KCNMB1: variants seen among roughly 807,000 people sequenced by gnomAD.
KCNMB1 encodes the protein potassium calcium-activated channel subfamily M regulatory beta subunit 1, also known as calcium-activated potassium channel subunit beta-1.
A neutral mutation model predicts 21.7 loss-of-function variants in KCNMB1; 22 were observed. That is an observed-to-expected ratio of 1.01 (90% CI 0.72 to 1.45). The LOEUF (loss-of-function observed/expected upper bound fraction) is 1.45, where lower values mean the gene tolerates loss of function less well. Among genes scored for constraint, KCNMB1 ranks in the 40% most tolerant of loss-of-function variants. KCNMB1 has a pLI of 0.00. For missense variants in KCNMB1, 243 were observed against 243.4 expected (o/e 1.00, Z 0.01); for synonymous variants, 114 against 107.6 (o/e 1.06, Z -0.37).
At chr5:170,382,201 C>T (rs1012351728) in intron 3 of KCNMB1, among the ~76,000 whole-genome samples, 2 of 152,206 alleles carry the variant, frequency 1.3e-5, no homozygotes, top group African/African-American at 4.8e-5. Flanking sequence ...AACTCTGAAA[C>T]TCTGATCATG....
chr5:170,383,634 C>A (rs756125474), intron 3 of KCNMB1, 45 bp downstream of exon 3: 3 of 1,606,424 alleles, frequency 1.9e-6, no homozygotes, highest in Non-Finnish European at 2.6e-6. Context: ...GCTCACACAC[C>A]TGACAGGGAT....
At position 170,375,231 on chromosome 5, in the gene KCNMB1, A is replaced by C. The variant is rs771204408; in HGVS notation, c.*3473T>G. 1.3e-5 allele frequency: 2 copies of C among 152,206 alleles called. No homozygotes were observed. Among genetic ancestry groups the C allele is most frequent in the Non-Finnish European group, 2.9e-5 (2 of 68,040 alleles). 9.4% of individuals were successfully genotyped at this position (152,206 alleles called of 1,614,324 possible). A position where few individuals can be genotyped will look rare whatever the true frequency, so the allele number is the denominator to read the frequency against. On this transcript the variant is annotated 3_prime_UTR_variant, in exon 4 of 4. Coordinates refer to ENST00000274629, the MANE Select transcript of KCNMB1 (RefSeq NM_004137.4). Reference sequence around the variant, plus strand: ...ATGGTAATATTTAATATTTTGCAAAACTATAGTACAATATTACAATTAAGA... The same window carrying C: ...ATGGTAATATTTAATATTTTGCAAACCTATAGTACAATATTACAATTAAGA...
chr5:170,379,104 A>T (rs998230606), intron 3 of KCNMB1, 131 bp from the exon 4 acceptor site: 1 of 1,116,726 alleles, frequency 9.0e-7, no homozygotes, highest in Non-Finnish European at 1.3e-6. Flanking sequence ...TTTGGTCTAA[A>T]GCTTGGCAGG....
intron 1 of KCNMB1, among the ~76,000 whole-genome samples, chr5:170,385,680 C>A (rs7717499): frequency 1.4e-5 from 2 of 142,698 alleles, no homozygotes; most frequent in African/African-American, 5.4e-5. Context: ...AAAAGACCTA[C>A]GGCTCAGAGA....
At chr5:170,381,205 A>C (rs188769) in intron 3 of KCNMB1, among the ~76,000 whole-genome samples, 79,212 of 151,926 alleles carry the variant, frequency 0.52, 21,056 homozygotes, top group African/African-American at 0.62. Flanking sequence ...TCATGGCCAA[A>C]CCCAGAAGCC....
chr5:170,388,173 C>A (rs1351743214), intron 1 of KCNMB1, among the ~76,000 whole-genome samples: 2 of 152,250 alleles, frequency 1.3e-5, no homozygotes, highest in East Asian at 3.8e-4. Flanking sequence ...TTCCCTGTCA[C>A]AGAGAAGTCT....
At chr5:170,384,734 A>G (rs532176497) in intron 2 of KCNMB1, among the ~76,000 whole-genome samples, 1 of 152,334 alleles carries the variant, frequency 6.6e-6, no homozygotes, top group Non-Finnish European at 1.5e-5. Flanking sequence ...GCTTTTCCTT[A>G]AAATCTCAAG....
At chr5:170,381,891 G>C (rs3804245) in intron 3 of KCNMB1, among the ~76,000 whole-genome samples, 10,584 of 152,280 alleles carry the variant, frequency 0.07, 442 homozygotes, top group Middle Eastern at 0.15. Context: ...GCTGCCTCCA[G>C]TGGGCCCTGA....
At position 170,378,913 on chromosome 5, in the gene KCNMB1, CCTT is replaced by C. The variant is rs1561593226; in HGVS notation, c.364_366del (p.Lys122del). The C allele has an allele frequency of 5.0e-6, 8 of 1,614,218 alleles. No individual in the cohort carries two copies. Among genetic ancestry groups the C allele is most frequent in the Non-Finnish European group, 6.8e-6 (8 of 1,180,030 alleles). Reference sequence around the variant, plus strand: ...TGCTGCTCTTGGAATTTGGCTCTGACCTTCTCCACGTCGGCCCGGGCCGTCTGG... The same window carrying C: ...TGCTGCTCTTGGAATTTGGCTCTGACCTCCACGTCGGCCCGGGCCGTCTGG... On this transcript the variant is annotated inframe_deletion, in exon 4 of 4. Coordinates refer to ENST00000274629, the MANE Select transcript of KCNMB1 (RefSeq NM_004137.4).
At chr5:170,380,378 T>C (rs577986285) in intron 3 of KCNMB1, among the ~76,000 whole-genome samples, 3 of 152,310 alleles carry the variant, frequency 2.0e-5, no homozygotes, top group Admixed American at 2.0e-4. Flanking sequence ...TTTGCCCTAG[T>C]GAAATCATGT....
rs1269803231 is a variant in KCNMB1 at position 170,376,216 on chromosome 5, C to T, written c.*2488G>A. The T allele has an allele frequency of 7.2e-6, 1 of 138,160 alleles. No homozygotes were observed. The highest frequency in any genetic ancestry group is 1.5e-5 in the Non-Finnish European group (1 of 66,090). 8.6% of individuals were successfully genotyped at this position (138,160 alleles called of 1,614,324 possible). A position where few individuals can be genotyped will look rare whatever the true frequency, so the allele number is the denominator to read the frequency against. ...TGCTCTGTTACCCAGGCTGGAGTGCCGTGGCGCGATCTCGGCTCACTGCAA... is the reference window on the plus strand; with the variant it reads ...TGCTCTGTTACCCAGGCTGGAGTGCTGTGGCGCGATCTCGGCTCACTGCAA... On this transcript the variant is annotated 3_prime_UTR_variant, in exon 4 of 4. Coordinates refer to ENST00000274629, the MANE Select transcript of KCNMB1 (RefSeq NM_004137.4).
chr5:170,386,354 C>T (rs949692117), intron 1 of KCNMB1, among the ~76,000 whole-genome samples: 1 of 152,192 alleles, frequency 6.6e-6, no homozygotes, highest in Non-Finnish European at 1.5e-5. Flanking sequence ...GGAACAATGG[C>T]TCATCCCCCA....
Position 170,378,956 on chromosome 5 carries a change from G to A in KCNMB1, c.324C>T (p.Gly108=). The change falls in exon 4 of 4, where the codon GGC becomes GGT. Residue 108 remains glycine, a synonymous_variant. Coordinates refer to ENST00000274629, the MANE Select transcript of KCNMB1 (RefSeq NM_004137.4). ...DQNQQCSYIP[G]SVDNYQTARA... is the part of the protein sequence containing the mutation. ...GGGCCGTCTGGTAATTGTCCACGCT[G>A]CCTGGGATGTAGGAGCACTGTGGGG... The A allele has an allele frequency of 6.2e-7, 1 of 1,614,080 alleles. No homozygotes were observed. The highest frequency in any genetic ancestry group is 1.3e-5 in the African/African-American group (1 of 75,064).
rs1764346397 is a variant in KCNMB1, at chr5:170,383,700, G to T, written c.285C>A (p.Asp95Glu). ...GRWAVLYHTE[D>E]TRDQNQQCSY... ...GTACCTGCTGGTTCTGGTCCCGAGT[G>T]TCCTCCGTGTGGTACAGCACAGCCC... The change falls in exon 3 of 4, where the codon GAC (aspartate) becomes GAA (glutamate). Residue 95 changes from aspartate (D) to glutamate (E), a missense_variant. Asp to Glu is a conservative substitution (Grantham distance 45, BLOSUM62 2). Coordinates refer to ENST00000274629, the MANE Select transcript of KCNMB1 (RefSeq NM_004137.4). 1 of 1,614,154 alleles carries T rather than the reference G, an allele frequency of 6.2e-7. No individual in the cohort carries two copies. The highest frequency in any genetic ancestry group is 8.5e-7 in the Non-Finnish European group (1 of 1,180,022).
At position 170,378,383 on chromosome 5, in the gene KCNMB1, G is replaced by A. The variant is rs1370422686; in HGVS notation, c.*321C>T. 1.5e-5 allele frequency: 4 copies of A among 260,912 alleles called. No individual in the cohort carries two copies. Among genetic ancestry groups the A allele is most frequent in the East Asian group, 1.5e-4 (2 of 13,630 alleles). The allele number at this position is 260,912 out of a possible 1,614,324, so 16.2% of individuals were successfully genotyped here. On this transcript the variant is annotated 3_prime_UTR_variant, in exon 4 of 4. Coordinates refer to ENST00000274629, the MANE Select transcript of KCNMB1 (RefSeq NM_004137.4). ...GGGAGAACTCAGGCACAGAGGTGAC[G>A]ATCATCGTTCTCTGTGGGGCACATA...
In KCNMB1 at chr5:170,383,686, T is replaced by C. The variant is rs773722064; in HGVS notation, c.299A>G (p.Asn100Ser). 1.7e-5 allele frequency: 28 copies of C among 1,614,000 alleles called. No homozygotes were observed. Among genetic ancestry groups the C allele is most frequent in the Non-Finnish European group, 1.5e-5 (18 of 1,180,018 alleles). ...LYHTEDTRDQNQQCSYIPGSV... is the reference protein window; with the variant it reads ...LYHTEDTRDQSQQCSYIPGSV... The stretch of plus-strand genomic sequence containing the variant: ...ATCCCTCCAGTTCAGTACCTGCTGG[T>C]TCTGGTCCCGAGTGTCCTCCGTGTG... The change falls in exon 3 of 4, where the codon AAC becomes AGC. Residue 100 changes from asparagine (N) to serine (S), a missense_variant. Coordinates refer to ENST00000274629, the MANE Select transcript of KCNMB1 (RefSeq NM_004137.4).
rs1020934192 is a variant in KCNMB1, at chr5:170,375,336, C to T, written c.*3368G>A. 1.3e-5 allele frequency: 2 copies of T among 152,226 alleles called. No individual in the cohort carries two copies. Among genetic ancestry groups the T allele is most frequent in the African/African-American group, 4.8e-5 (2 of 41,462 alleles). 9.4% of individuals were successfully genotyped at this position (152,226 alleles called of 1,614,324 possible). On this transcript the variant is annotated 3_prime_UTR_variant, in exon 4 of 4. Transcript: ENST00000274629. ...AAAAATTCCAGGGAATGATGAGCTG[C>T]CTGCCTTTGGAAGGAAGGTCCACCA...
intron 1 of KCNMB1, among the ~76,000 whole-genome samples, chr5:170,388,897 A>G (rs932555472): frequency 1.1e-4 from 16 of 152,234 alleles, no homozygotes; most frequent in Non-Finnish European, 1.5e-5. Context: ...CTAACGAAGG[A>G]AACCCTGAAA....
rs1763956087 is a variant in KCNMB1, at chr5:170,375,193, C to T, written c.*3511G>A. On this transcript the variant is annotated 3_prime_UTR_variant, in exon 4 of 4. Coordinates refer to ENST00000274629, the MANE Select transcript of KCNMB1 (RefSeq NM_004137.4). ...ACAGAGACATTCCGTGCCCCCTCTA[C>T]CTAATGTCCCCAATGGTAATATTTA... 2 of 152,218 alleles carry T rather than the reference C, an allele frequency of 1.3e-5. No individual in the cohort carries two copies. The highest frequency in any genetic ancestry group is 2.1e-4 in the South Asian group (1 of 4,834). 9.4% of individuals were successfully genotyped at this position (152,218 alleles called of 1,614,324 possible). A position where few individuals can be genotyped will look rare whatever the true frequency, so the allele number is the denominator to read the frequency against.
Sources: gnomAD v4.1 joint callset for allele counts (sites outside exome capture counted in the v4.1 genomes callset) on GRCh38, gnomAD v4.1.1 for gene constraint, MANE v1.5 for transcripts, NCBI Gene and HGNC (gene_info 2026-07-23, HGNC 2026-07-21) for gene names.